The following PCDHGB6 variants were observed in gnomAD, a reference collection of about 807,000 sequenced individuals.
PCDHGB6 encodes the protein protocadherin gamma-B6.
A neutral mutation model predicts 59.1 loss-of-function variants in PCDHGB6; 51 were observed. The observed-to-expected ratio is 0.86, with a 90% confidence interval of 0.69 to 1.09. PCDHGB6 has a LOEUF of 1.09. PCDHGB6 is among the 50% of genes least tolerant of loss of function. The probability of loss-of-function intolerance (pLI) is 0.00; values close to 1 mark genes in which losing one functional copy is unlikely to be tolerated. For synonymous variants in PCDHGB6, 466 were observed against 495.1 expected (o/e 0.94, Z 0.78); for missense variants, 1,148 against 1,205.1 (o/e 0.95, Z 0.70).
rs1481151067 is a variant in PCDHGB6, at chr5:141,477,223, T to A, written c.2419-17584T>A. On this transcript the variant is annotated intron_variant, in intron 1 of 3. Transcript: ENST00000520790. This position sits in a 1 kb window ranked among gnomAD's most constrained non-coding sequence, Gnocchi z 4.9. ...TACCCGAGGATGCCCCTCTGGGGAC[T>A]GTCATCGCTTTGCTCAGTGTGACTG... The A allele has an allele frequency of 6.2e-7, 1 of 1,614,198 alleles. No individual in the cohort carries two copies. The highest frequency in any genetic ancestry group is 1.1e-5 in the South Asian group (1 of 91,084).
intron 1 of PCDHGB6, chr5:141,415,455 G>T: frequency 6.2e-7 from 1 of 1,614,186 alleles, no homozygotes; most frequent in Non-Finnish European, 8.5e-7. Context: ...ATTCCCACGA[G>T]GTCTCTCTCA....
intron 1 of PCDHGB6, among the ~76,000 whole-genome samples, chr5:141,453,061 T>G (rs1351911724): frequency 6.6e-6 from 1 of 152,102 alleles, no homozygotes; most frequent in Non-Finnish European, 1.5e-5. Context: ...AGTTTTAGAG[T>G]TTTGCCACAC....
intron 1 of PCDHGB6, among the ~76,000 whole-genome samples, chr5:141,446,315 G>A (rs556077331): frequency 6.6e-6 from 1 of 152,188 alleles, no homozygotes; most frequent in East Asian, 1.9e-4. Context: ...TGATTCCTGG[G>A]TTTCCACATT....
intron 2 of PCDHGB6, among the ~76,000 whole-genome samples, chr5:141,502,170 G>A (rs1165631931): frequency 6.6e-6 from 1 of 152,128 alleles, no homozygotes; most frequent in Admixed American, 6.5e-5. Context: ...TTCAGTTGAG[G>A]AATTTAACAT....
chr5:141,485,151 T>G lies in PCDHGB6; in HGVS notation c.2419-9656T>G. The G allele has an allele frequency of 2.5e-6, 4 of 1,584,876 alleles. No individual in the cohort carries two copies. Among genetic ancestry groups the G allele is most frequent in the Non-Finnish European group, 3.5e-6 (4 of 1,156,528 alleles). ...GCTTCATCCGCGTCTCAGGAGCAAG[T>G]AGAGAATTAGCGGGCGGCAGCAATG... On this transcript the variant is annotated intron_variant, in intron 1 of 3. Coordinates refer to ENST00000520790, the MANE Select transcript of PCDHGB6 (RefSeq NM_018926.3). The surrounding 1 kb of genome is among the most constrained non-coding windows in gnomAD (Gnocchi z 5.7).
Position 141,491,620 on chromosome 5 carries a change from A to C in PCDHGB6, c.2419-3187A>C. On this transcript the variant is annotated intron_variant, in intron 1 of 3. Coordinates refer to ENST00000520790, the MANE Select transcript of PCDHGB6 (RefSeq NM_018926.3). This position sits in a 1 kb window ranked among gnomAD's most constrained non-coding sequence, Gnocchi z 6.9. ...TGACTTCACTTTTCTAAGACCCCTC[A>C]GCGTTCAGCAGCCCACAGCTCTGGC... is the stretch of plus-strand genomic sequence containing the variant. 6.2e-7 allele frequency: 1 copy of C among 1,613,906 alleles called. No individual in the cohort carries two copies. The highest frequency in any genetic ancestry group is 1.1e-5 in the South Asian group (1 of 91,084).
chr5:141,500,173 T>G (rs1666567886), intron 2 of PCDHGB6, among the ~76,000 whole-genome samples: 1 of 149,340 alleles, frequency 6.7e-6, no homozygotes, highest in East Asian at 1.9e-4. Context: ...ATGCATGAGC[T>G]TCATTTTTAT....
chr5:141,495,973 A>T, intron 2 of PCDHGB6, among the ~76,000 whole-genome samples: 1 of 146,986 alleles, frequency 6.8e-6, no homozygotes, highest in Admixed American at 6.8e-5. Flanking sequence ...TTTCTCTGTT[A>T]CTCTTTCTTT....
rs764729742 is a variant in PCDHGB6 at position 141,450,826 on chromosome 5, A to ATTT, written c.2418+40208_2418+40209insTTT. On this transcript the variant is annotated intron_variant, in intron 1 of 3. Coordinates refer to ENST00000520790, the MANE Select transcript of PCDHGB6 (RefSeq NM_018926.3). ...TATTTATTTATTTAATATTATTATT[A>ATTT]TTATTTTTTTTTTTTTGAGATGGGG... 5.5e-3 allele frequency among the ~76,000 whole-genome samples: 742 copies of ATTT among 134,318 alleles called. 10 individuals are homozygous for ATTT. The highest frequency in any genetic ancestry group is 0.013 in the Middle Eastern group (3 of 230). 88.1% of individuals were successfully genotyped at this position (134,318 alleles called of 152,430 possible).
chr5:141,447,823 C>T lies in PCDHGB6; in HGVS notation c.2418+37203C>T, dbSNP rs192381755. ...AAAATTGGCTGGGCGTGGTGGCTCA[C>T]GCCTGTAATCCCAGTGCTTTGGGAG... On this transcript the variant is annotated intron_variant, in intron 1 of 3. Coordinates refer to ENST00000520790, the MANE Select transcript of PCDHGB6 (RefSeq NM_018926.3). Among the ~76,000 whole-genome samples, 677 of 152,272 alleles carry T rather than the reference C, an allele frequency of 4.4e-3. 5 individuals are homozygous for T. Among genetic ancestry groups the T allele is most frequent in the African/African-American group, 0.015 (635 of 41,548 alleles).
rs575250872 is a variant in PCDHGB6, at chr5:141,490,163, T to C, written c.2419-4644T>C. ...GGGGCAATCCATGTGTTGGGTCCCA[T>C]AGACTTTGAGGAGTCACGTTTCTAT... On this transcript the variant is annotated intron_variant, in intron 1 of 3. Transcript: ENST00000520790. This position sits in a 1 kb window ranked among gnomAD's most constrained non-coding sequence, Gnocchi z 5.4. 2 of 1,614,234 alleles carry C rather than the reference T, an allele frequency of 1.2e-6. No homozygotes were observed. The highest frequency in any genetic ancestry group is 2.2e-5 in the East Asian group (1 of 44,886).
rs17097294 is a variant in PCDHGB6 at position 141,425,513 on chromosome 5, T to G, written c.2418+14893T>G. On this transcript the variant is annotated intron_variant, in intron 1 of 3. Coordinates refer to ENST00000520790, the MANE Select transcript of PCDHGB6 (RefSeq NM_018926.3). ...AGGCTATACCTTTATATTCTCTTTA[T>G]GATGAAACATGAAACAATAATCCTT... Among the ~76,000 whole-genome samples, 699 of 152,380 alleles carry G rather than the reference T, an allele frequency of 4.6e-3. 4 individuals carry two copies. The highest frequency in any genetic ancestry group is 0.015 in the African/African-American group (636 of 41,592).
rs1193095881 is a variant in PCDHGB6 at position 141,490,273 on chromosome 5, G to T, written c.2419-4534G>T. On this transcript the variant is annotated intron_variant, in intron 1 of 3. Coordinates refer to ENST00000520790, the MANE Select transcript of PCDHGB6 (RefSeq NM_018926.3). This position sits in a 1 kb window ranked among gnomAD's most constrained non-coding sequence, Gnocchi z 5.4. ...TCAAGTGGATGTGGGGGATGTCAAT[G>T]ACAATGCCCCAGAGGTGCTATTGGC... 6.2e-7 allele frequency: 1 copy of T among 1,614,108 alleles called. No homozygotes were observed. The highest frequency in any genetic ancestry group is 8.5e-7 in the Non-Finnish European group (1 of 1,180,052).
At chr5:141,465,767 T>A (rs1427458413) in intron 1 of PCDHGB6, among the ~76,000 whole-genome samples, 1 of 152,016 alleles carries the variant, frequency 6.6e-6, no homozygotes, top group Non-Finnish European at 1.5e-5. Context: ...TCATGTTTCA[T>A]CTCTTGTTAC....
rs750036800 is a variant in PCDHGB6, at chr5:141,419,495, G to A, written c.2418+8875G>A. On this transcript the variant is annotated intron_variant, in intron 1 of 3. Coordinates refer to ENST00000520790, the MANE Select transcript of PCDHGB6 (RefSeq NM_018926.3). ...GGGCTCGCCCGCGCTCAGCGCCAAT[G>A]TGAGCCTGCGCGTGTTGGTGGGCGA... The A allele has an allele frequency of 5.0e-6, 8 of 1,612,432 alleles. No individual in the cohort carries two copies. The Admixed American group carries it at 1.3e-4, about 27-fold the overall frequency.
intron 1 of PCDHGB6, chr5:141,421,935 A>G: frequency 6.2e-7 from 1 of 1,613,514 alleles, no homozygotes; most frequent in East Asian, 2.2e-5. Context: ...TCCTCGATGT[A>G]AATGATCACA....
chr5:141,468,832 C>G (rs530307522), intron 1 of PCDHGB6, among the ~76,000 whole-genome samples: 1 of 152,164 alleles, frequency 6.6e-6, no homozygotes, highest in South Asian at 2.1e-4. Flanking sequence ...AGCCACTGCA[C>G]TCCAGCCTGG....
In PCDHGB6 at chr5:141,418,980, A is replaced by G; in HGVS notation, c.2418+8360A>G. 1 of 1,614,004 alleles carries G rather than the reference A, an allele frequency of 6.2e-7. No individual in the cohort carries two copies. ...GTTGCCCTCTTCAAAACACGGGACC[A>G]AGACTCAGGGGAAAATGGGGAAGTC... On this transcript the variant is annotated intron_variant, in intron 1 of 3. Transcript: ENST00000520790.
intron 1 of PCDHGB6, chr5:141,423,653 G>A: frequency 6.3e-7 from 1 of 1,578,174 alleles, no homozygotes. Context: ...GACCCGACAA[G>A]TAATCAGGTG....
Sources: gnomAD v4.1 joint callset for allele counts (sites outside exome capture counted in the v4.1 genomes callset) on GRCh38, gnomAD v4.1.1 for gene constraint, Gnocchi (gnomAD v3.1) non-coding constraint, MANE v1.5 for transcripts, NCBI Gene and HGNC (gene_info 2026-07-23, HGNC 2026-07-21) for gene names.